Variants in PLEKHG6 observed in about 807,000 individuals in gnomAD.
The protein encoded by PLEKHG6 is pleckstrin homology domain-containing family G member 6.
In PLEKHG6, 91 loss-of-function variants were observed where a neutral mutation model predicts 97.5. The observed-to-expected ratio is 0.93, with a 90% CI of 0.79 to 1.11. PLEKHG6 has a LOEUF of 1.11. Among genes scored for constraint, PLEKHG6 ranks in the 50% most tolerant of loss-of-function variants. The pLI is 0.00. For missense variants in PLEKHG6, 1,044 were observed against 1,031.0 expected (o/e 1.01, Z -0.17); for synonymous variants, 466 against 425.5 (o/e 1.10, Z -1.17).
chr12:6,312,126 A>C, intron 1 of PLEKHG6, 33 bp from the exon 2 acceptor site: 7 of 999,596 alleles, frequency 7.0e-6, no homozygotes, highest in East Asian at 6.6e-5. Context: ...CTGATTGGGG[A>C]TGGCCCTTCC....
At chr12:6,318,673 G>A in intron 11 of PLEKHG6, 72 bp from the exon 12 acceptor site, 2 of 1,529,546 alleles carry the variant, frequency 1.3e-6, no homozygotes, top group Non-Finnish European at 1.8e-6. Context: ...CCATGCCTGA[G>A]CCTCCTCCCG....
At chr12:6,324,084 AG>A (rs373008500) in intron 13 of PLEKHG6, among the ~76,000 whole-genome samples, 47 of 152,130 alleles carry the variant, frequency 3.1e-4, no homozygotes, top group East Asian at 2.1e-3. Flanking sequence ...TCAGTTTTGT[AG>A]GGGGGTCACA....
intron 13 of PLEKHG6, among the ~76,000 whole-genome samples, chr12:6,321,805 C>T (rs1261746052): frequency 2.5e-5 from 3 of 117,724 alleles, no homozygotes; most frequent in African/African-American, 1.1e-4. Context: ...CCAGCCTGGG[C>T]GACAGAGCGA....
chr12:6,324,435 G>A (rs1297246953), intron 13 of PLEKHG6, among the ~76,000 whole-genome samples: 10 of 152,050 alleles, frequency 6.6e-5, no homozygotes, highest in African/African-American at 2.2e-4. Flanking sequence ...CTTGGCACCC[G>A]AAACACAAAC....
intron 2 of PLEKHG6, chr12:6,312,671 C>T: frequency 1.7e-6 from 2 of 1,204,632 alleles, no homozygotes; most frequent in Non-Finnish European, 2.1e-6. Flanking sequence ...AGAGCTGGCG[C>T]CTCCCAGGCT....
At position 6,326,563 on chromosome 12, in the gene PLEKHG6, G is replaced by C; in HGVS notation, c.1660G>C (p.Ala554Pro). 1 of 1,528,142 alleles carries C rather than the reference G, an allele frequency of 6.5e-7. No individual in the cohort carries two copies. Among genetic ancestry groups the C allele is most frequent in the Non-Finnish European group, 8.7e-7 (1 of 1,142,964 alleles). The allele number at this position is 1,528,142 out of a possible 1,614,324, so 94.7% of individuals were successfully genotyped here. A position where few individuals can be genotyped will look rare whatever the true frequency, so the allele number is the denominator to read the frequency against. ...TTCCCTGGAGGGCTCTCAGAGCAGC[G>C]CAGAGGGGAGGTAAGGCTCACACGG... Reference protein sequence around the residue: ...TPSLEGSQSSAEGRTPEFSTI... With the variant: ...TPSLEGSQSSPEGRTPEFSTI... The change falls in exon 14 of 16, where the codon GCA becomes CCA. Residue 554 changes from alanine (A) to proline (P), a missense_variant. Coordinates refer to ENST00000684764, the MANE Select transcript of PLEKHG6 (RefSeq NM_001384598.1).
chr12:6,326,564 C>T lies in PLEKHG6; in HGVS notation c.1661C>T (p.Ala554Val), dbSNP rs762128718. Residue 554 changes from alanine (A) to valine (V), a missense_variant, in exon 14 of 16, where the codon GCA becomes GTA. Transcript: ENST00000684764. The stretch of plus-strand genomic sequence containing the variant: ...TCCCTGGAGGGCTCTCAGAGCAGCG[C>T]AGAGGGGAGGTAAGGCTCACACGGA... ...TPSLEGSQSS[A>V]EGRTPEFSTI... The T allele has an allele frequency of 2.6e-6, 4 of 1,527,440 alleles. No homozygotes were observed. Among genetic ancestry groups the T allele is most frequent in the Non-Finnish European group, 3.5e-6 (4 of 1,142,762 alleles). 94.6% of individuals were successfully genotyped at this position (1,527,440 alleles called of 1,614,324 possible). A position where few individuals can be genotyped will look rare whatever the true frequency, so the allele number is the denominator to read the frequency against.
chr12:6,323,071 T>C (rs1433458318), intron 13 of PLEKHG6, among the ~76,000 whole-genome samples: 1 of 109,066 alleles, frequency 9.2e-6, no homozygotes, highest in African/African-American at 4.5e-5. Flanking sequence ...TTCAGAACTT[T>C]CTCCTCTTTT....
In PLEKHG6 at chr12:6,313,371, G is replaced by GC. The variant is rs564439981; in HGVS notation, c.139-254dup. ...GTGCTGTGCACCTGCTCGGCAGGAG[G>GC]CCCCACTTCTTCCCCAGGCCCACTC... On this transcript the variant is annotated intron_variant, in intron 2 of 15. Coordinates refer to ENST00000684764, the MANE Select transcript of PLEKHG6 (RefSeq NM_001384598.1). Among the ~76,000 whole-genome samples, 58 of 152,304 alleles carry GC rather than the reference G, an allele frequency of 3.8e-4. No individual in the cohort carries two copies. In the South Asian group the frequency reaches 5.2e-3, roughly 14 times the overall value.
intron 3 of PLEKHG6, 106 bp downstream of exon 3, chr12:6,313,890 T>A: frequency 9.4e-7 from 1 of 1,064,638 alleles, no homozygotes; most frequent in Non-Finnish European, 1.3e-6. Flanking sequence ...TCCAGGAGGC[T>A]GCTGCCTGCC....
At position 6,315,956 on chromosome 12, in the gene PLEKHG6, C is replaced by G. The variant is rs368881387; in HGVS notation, c.606+37C>G. 8 of 1,536,658 alleles carry G rather than the reference C, an allele frequency of 5.2e-6. No individual in the cohort carries two copies. Among genetic ancestry groups the G allele is most frequent in the Non-Finnish European group, 7.1e-6 (8 of 1,132,134 alleles). On this transcript the variant is annotated intron_variant, in intron 6 of 15. Coordinates refer to ENST00000684764, the MANE Select transcript of PLEKHG6 (RefSeq NM_001384598.1). The surrounding 1 kb of genome is among the most constrained non-coding windows in gnomAD (Gnocchi z 4.5). ...CTCAGGAGGGGACCCTGGCACAGCC[C>G]GACCTCTGAGCCTGGGGATGAGGGT...
Position 6,318,713 on chromosome 12 carries a change from C to T in PLEKHG6, c.1276-32C>T, listed in dbSNP as rs148281866. ...AGCCCTGCCCCTGGCTCCAGCTGAC[C>T]CTGTCTCTTTCCCCTACGCCCCCAC... On this transcript the variant is annotated intron_variant, in intron 11 of 15. Coordinates refer to ENST00000684764, the MANE Select transcript of PLEKHG6 (RefSeq NM_001384598.1). The T allele has an allele frequency of 1.8e-3, 2,958 of 1,609,256 alleles. 28 individuals are homozygous for T. The African/African-American group carries it at 0.029, about 16-fold the overall frequency.
chr12:6,312,493 C>T (rs1004640905), intron 2 of PLEKHG6, 129 bp downstream of exon 2: 1 of 1,189,422 alleles, frequency 8.4e-7, no homozygotes, highest in Non-Finnish European at 1.1e-6. Context: ...CTCTTCTTTC[C>T]TGGGTTGCGG....
In PLEKHG6 at chr12:6,327,767, A is replaced by T; in HGVS notation, c.2184A>T (p.Thr728=). Residue 728 remains threonine (T), a synonymous_variant, in exon 15 of 16, where the codon ACA becomes ACT. Transcript: ENST00000684764. ...EGPLFLKAGH[T]SLRPMRAEDM... ...CTCTGTTCCTGAAAGCTGGCCACAC[A>T]TCCCTGCGCCCAATGCGGGCTGAGG... 6.5e-7 allele frequency: 1 copy of T among 1,537,604 alleles called. No individual in the cohort carries two copies. The highest frequency in any genetic ancestry group is 8.7e-7 in the Non-Finnish European group (1 of 1,145,700).
chr12:6,312,253 G>C lies in PLEKHG6; in HGVS notation c.27G>C (p.Glu9Asp). 6.5e-7 allele frequency: 1 copy of C among 1,536,208 alleles called. No individual in the cohort carries two copies. Among genetic ancestry groups the C allele is most frequent in the Non-Finnish European group, 8.7e-7 (1 of 1,148,624 alleles). The change falls in exon 2 of 16, where the codon GAG (glutamate) becomes GAC (aspartate). Residue 9 changes from glutamate to aspartate, a missense_variant. Glu to Asp is a conservative substitution (Grantham distance 45). Transcript: ENST00000684764. Reference protein sequence around the residue: MKAFGPPHEGPLQGLVASR... With the variant: MKAFGPPHDGPLQGLVASR... ...TGAAGGCCTTTGGTCCTCCACATGAGGGCCCCCTCCAAGGACTCGTGGCCT... is the reference window on the plus strand; with the variant it reads ...TGAAGGCCTTTGGTCCTCCACATGACGGCCCCCTCCAAGGACTCGTGGCCT...
chr12:6,313,935 A>G (rs1947360867), intron 3 of PLEKHG6, 151 bp downstream of exon 3: 2 of 634,572 alleles, frequency 3.2e-6, no homozygotes, highest in Non-Finnish European at 5.1e-6. Flanking sequence ...CCTCTCAGGG[A>G]TATATCTCTC....
chr12:6,311,476 G>T (rs113948883), intron 1 of PLEKHG6, among the ~76,000 whole-genome samples: 15 of 152,196 alleles, frequency 9.9e-5, no homozygotes, highest in Admixed American at 8.5e-4. Flanking sequence ...TAGAGACTTC[G>T]CGGCCTACAC....
Position 6,316,533 on chromosome 12 carries a change from C to T in PLEKHG6, c.756+129C>T. On this transcript the variant is annotated intron_variant, in intron 7 of 15. Transcript: ENST00000684764. The surrounding 1 kb of genome is among the most constrained non-coding windows in gnomAD (Gnocchi z 4.1). ...GGGCCGCAGGACACAGCCCCTACCC[C>T]TAATATCACCTCACCTCCTCCCTTC... 1 of 793,206 alleles carries T rather than the reference C, an allele frequency of 1.3e-6. No individual in the cohort carries two copies. The highest frequency in any genetic ancestry group is 1.9e-6 in the Non-Finnish European group (1 of 529,868). The allele number at this position is 793,206 out of a possible 1,614,324, so 49.1% of individuals were successfully genotyped here.
rs574059512 is a variant in PLEKHG6 at position 6,312,750 on chromosome 12, G to A, written c.138+386G>A. ...CCTCTCCCTGAGTCAGGATGAAGAT[G>A]AGCAAAGGTTCAGGGTGTCCCTACT... is the stretch of plus-strand genomic sequence containing the variant. On this transcript the variant is annotated intron_variant, in intron 2 of 15. Coordinates refer to ENST00000684764, the MANE Select transcript of PLEKHG6 (RefSeq NM_001384598.1). 7.7e-6 allele frequency: 9 copies of A among 1,169,286 alleles called. No homozygotes were observed. The South Asian group carries it at 2.3e-4, about 30-fold the overall frequency. The allele number at this position is 1,169,286 out of a possible 1,614,324, so 72.4% of individuals were successfully genotyped here. A position where few individuals can be genotyped will look rare whatever the true frequency, so the allele number is the denominator to read the frequency against.
Sources: allele counts gnomAD v4.1 joint callset (sites outside exome capture counted in the v4.1 genomes callset), GRCh38; gene constraint gnomAD v4.1.1; non-coding constraint Gnocchi (gnomAD v3.1); transcripts MANE v1.5; gene names NCBI Gene and HGNC (gene_info 2026-07-23, HGNC 2026-07-21).